Variants in DZANK1 observed in about 807,000 individuals in gnomAD.
DZANK1 encodes double zinc ribbon and ankyrin repeat-containing protein 1.
DZANK1 carries 91 observed loss-of-function variants against 94.5 expected under a neutral mutation model. The observed-to-expected ratio is 0.96, with a 90% CI of 0.81 to 1.15. The LOEUF is 1.15. DZANK1 is among the 50% of genes most tolerant of loss of function. DZANK1 has a pLI of 0.00. For missense variants in DZANK1, 903 were observed against 916.4 expected (o/e 0.99, Z 0.19); for synonymous variants, 312 against 325.3 (o/e 0.96, Z 0.44).
exon 11 of DZANK1, chr20:18,415,417 C>A: frequency 6.3e-7 from 1 of 1,584,324 alleles, no homozygotes; most frequent in Non-Finnish European, 8.6e-7. Flanking sequence ...TCTGAGTGGG[C>A]GGAGGAGGGG....
chr20:18,387,739 T>G (rs1271626077), intron 19 of DZANK1, among the ~76,000 whole-genome samples: 1 of 152,212 alleles, frequency 6.6e-6, no homozygotes, highest in African/African-American at 2.4e-5. Flanking sequence ...ATGAGTTCAT[T>G]CTGGTAGGAA....
At chr20:18,443,553 T>A in intron 7 of DZANK1, 89 bp from the exon 8 acceptor site, 1 of 733,736 alleles carries the variant, frequency 1.4e-6, no homozygotes, top group Non-Finnish European at 2.1e-6. Flanking sequence ...CAAACAGTTT[T>A]AAACACAAAA....
In DZANK1 at chr20:18,428,106, G is replaced by A. The variant is rs574794311; in HGVS notation, c.862-947C>T. 3.6e-3 allele frequency among the ~76,000 whole-genome samples: 532 copies of A among 149,594 alleles called. 1 individual carries two copies. The highest frequency in any genetic ancestry group is 7.0e-3 in the Middle Eastern group (2 of 286). ...GCGGAGCTTGCAGTGAGCTGAGACC[G>A]CGCCACTGCACACCAGCCTGGGTGA... is the stretch of plus-strand genomic sequence containing the variant. On this transcript the variant is annotated intron_variant, in intron 9 of 20. Transcript: ENST00000262547.
At chr20:18,411,849 C>T (rs1265179841) in intron 13 of DZANK1, among the ~76,000 whole-genome samples, 2 of 152,150 alleles carry the variant, frequency 1.3e-5, no homozygotes, top group Non-Finnish European at 2.9e-5. Flanking sequence ...GGTTAGGTGT[C>T]TGGGGAGGGC....
chr20:18,451,964 T>C (rs1253469190), intron 6 of DZANK1: 1 of 516,894 alleles, frequency 1.9e-6, no homozygotes, highest in Non-Finnish European at 3.9e-6. Flanking sequence ...GTGTCTTGCC[T>C]GCCAAACAGA....
intron 13 of DZANK1, among the ~76,000 whole-genome samples, chr20:18,409,273 CAAG>C (rs1043957463): frequency 5.9e-5 from 9 of 151,984 alleles, no homozygotes; most frequent in Admixed American, 3.3e-4. Context: ...AAGAATATGA[CAAG>C]AAGAGAATCT....
At chr20:18,465,855 A>G (rs1349459553) in intron 1 of DZANK1, among the ~76,000 whole-genome samples, 1 of 152,262 alleles carries the variant, frequency 6.6e-6, no homozygotes, top group African/African-American at 2.4e-5. Context: ...CCGGGTTCAC[A>G]GCCTTGCCAT....
intron 13 of DZANK1, among the ~76,000 whole-genome samples, chr20:18,404,712 A>G (rs1370781395): frequency 2.6e-5 from 4 of 152,204 alleles, no homozygotes; most frequent in Non-Finnish European, 5.9e-5. Context: ...AGCAGCCATT[A>G]TAAATATGCT....
rs887918370 is a variant in DZANK1 at position 18,441,693 on chromosome 20, C to T, written c.747+1654G>A. On this transcript the variant is annotated intron_variant, in intron 8 of 20. Transcript: ENST00000262547. The surrounding 1 kb of genome is among the most constrained non-coding windows in gnomAD (Gnocchi z 4.1). ...TTCACTGAGGTGACACAGATCAGAG[C>T]CAGCAAGGAAAAAGCCGCCCACTGG... 3.9e-5 allele frequency among the ~76,000 whole-genome samples: 6 copies of T among 152,140 alleles called. No individual in the cohort carries two copies. Among genetic ancestry groups the T allele is most frequent in the Non-Finnish European group, 7.4e-5 (5 of 68,026 alleles).
intron 9 of DZANK1, among the ~76,000 whole-genome samples, chr20:18,429,776 G>A (rs1034625484): frequency 6.6e-6 from 1 of 152,144 alleles, no homozygotes; most frequent in Non-Finnish European, 1.5e-5. Context: ...GTTTTTATTT[G>A]TGGAGACTTT....
chr20:18,411,504 A>ACAT (rs901076173), intron 13 of DZANK1, among the ~76,000 whole-genome samples: 24 of 152,198 alleles, frequency 1.6e-4, no homozygotes, highest in African/African-American at 5.3e-4. Context: ...CACTAGACAA[A>ACAT]CATCAGATCC....
At chr20:18,402,181 G>A (rs531386566) in intron 13 of DZANK1, among the ~76,000 whole-genome samples, 7 of 152,244 alleles carry the variant, frequency 4.6e-5, no homozygotes, top group Admixed American at 4.6e-4. Context: ...GGGCAGGAAA[G>A]GCTCCCCCAA....
chr20:18,460,201 A>T (rs769883968), exon 3 of DZANK1: 1 of 1,584,574 alleles, frequency 6.3e-7, no homozygotes, highest in Admixed American at 1.7e-5. Flanking sequence ...AGGCAGAGTA[A>T]TAGGTTTTAT....
At chr20:18,421,069 A>G (rs2148506824) in intron 10 of DZANK1, 1 of 163,582 alleles carries the variant, frequency 6.1e-6, no homozygotes, top group East Asian at 1.8e-4. Flanking sequence ...ATGAACCAGT[A>G]TAGAATATGC....
intron 6 of DZANK1, among the ~76,000 whole-genome samples, chr20:18,450,000 C>T (rs756633482): frequency 6.6e-6 from 1 of 151,440 alleles, no homozygotes; most frequent in Non-Finnish European, 1.5e-5. Flanking sequence ...ATCGCTTGAA[C>T]CCGGGAAGCA....
intron 3 of DZANK1, among the ~76,000 whole-genome samples, chr20:18,459,576 TTTTG>T (rs1444540010): frequency 6.6e-6 from 1 of 152,140 alleles, no homozygotes; most frequent in African/African-American, 2.4e-5. Flanking sequence ...TTTTGTTTTG[TTTTG>T]TTTTTTGCCT....
chr20:18,398,364 T>C (rs2056474783), intron 14 of DZANK1, 159 bp downstream of exon 14: 1 of 633,498 alleles, frequency 1.6e-6, no homozygotes, highest in South Asian at 2.1e-5. Flanking sequence ...AGTGATTTAT[T>C]AGAGCAGAGC....
At chr20:18,422,799 CTTTTTT>C (rs55683540) in intron 10 of DZANK1, among the ~76,000 whole-genome samples, 4 of 124,854 alleles carry the variant, frequency 3.2e-5, no homozygotes, top group Admixed American at 8.2e-5. Context: ...TGGCTTTGTT[CTTTTTT>C]TTTTTTTTTC....
chr20:18,461,480 T>C (rs1420505186), intron 2 of DZANK1, among the ~76,000 whole-genome samples: 1 of 152,204 alleles, frequency 6.6e-6, no homozygotes, highest in East Asian at 1.9e-4. Flanking sequence ...TCTTTGTTTC[T>C]TTTGCAATTA....
Sources: allele counts gnomAD v4.1 joint callset (sites outside exome capture counted in the v4.1 genomes callset), GRCh38; gene constraint gnomAD v4.1.1; non-coding constraint Gnocchi (gnomAD v3.1); transcripts MANE v1.5; gene names NCBI Gene and HGNC (gene_info 2026-07-23, HGNC 2026-07-21).